Variants in DPP6 observed in about 807,000 individuals in gnomAD.
The protein encoded by DPP6 is dipeptidyl peptidase like 6.
Under a neutral mutation model 122.6 loss-of-function variants are expected in DPP6, and 69 were observed. The observed-to-expected ratio is 0.56, with a 90% CI of 0.46 to 0.69. The LOEUF (loss-of-function observed/expected upper bound fraction) is 0.69. Among genes scored for constraint, DPP6 ranks in the 30% least tolerant of loss-of-function variants. DPP6 has a pLI of 0.00. For synonymous variants in DPP6, 418 were observed against 433.1 expected, an observed-to-expected ratio of 0.97 and a Z score of 0.43; for missense variants, 928 against 1,116.9, an observed-to-expected ratio of 0.83 and a Z score of 2.41.
rs1405031120 is a variant in DPP6, at chr7:154,760,103, A to G, written c.884-9314A>G. 6.6e-6 allele frequency among the ~76,000 whole-genome samples: 1 copy of G among 152,216 alleles called. No individual in the cohort carries two copies. The stretch of plus-strand genomic sequence containing the variant: ...ATGCCATTGCACTCCAGCCTAGGTG[A>G]CAGAGCGAGATTCTGTCTCAAAACA... On this transcript the variant is annotated intron_variant, in intron 8 of 25. Transcript: ENST00000377770. The surrounding 1 kb of genome is among the most constrained non-coding windows in gnomAD (Gnocchi z 4.5).
intron 17 of DPP6, among the ~76,000 whole-genome samples, chr7:154,866,915 G>C (rs1320779143): frequency 6.6e-6 from 1 of 151,312 alleles, no homozygotes; most frequent in African/African-American, 2.4e-5. Flanking sequence ...CACACGTCCA[G>C]ATTCTCCTAG....
chr7:154,388,324 C>T (rs1420548218), intron 1 of DPP6, among the ~76,000 whole-genome samples: 1 of 152,124 alleles, frequency 6.6e-6, no homozygotes. Flanking sequence ...AGTTATACTG[C>T]TAAATGGTTT....
chr7:154,832,180 G>A (rs945348507), intron 16 of DPP6, among the ~76,000 whole-genome samples: 8 of 152,158 alleles, frequency 5.3e-5, no homozygotes, highest in African/African-American at 1.9e-4. Context: ...CCGTATGCCA[G>A]GCAACGAACT....
intron 17 of DPP6, among the ~76,000 whole-genome samples, chr7:154,866,139 CAG>C (rs1327663856): frequency 9.2e-5 from 14 of 152,350 alleles, no homozygotes; most frequent in Admixed American, 7.2e-4. Flanking sequence ...ATTTCAAACA[CAG>C]GGCAGCACGT....
chr7:154,145,575 G>A (rs1796048177), intron 1 of DPP6, among the ~76,000 whole-genome samples: 1 of 148,492 alleles, frequency 6.7e-6, no homozygotes, highest in African/African-American at 2.5e-5. Flanking sequence ...ACATTGAAAT[G>A]GAGAGTGAAT....
At chr7:153,843,276 G>A in the DPP6 span, among the ~76,000 whole-genome samples, 10 of 147,498 alleles carry the variant, frequency 6.8e-5, no homozygotes, top group African/African-American at 1.3e-4. Context: ...ACGCATGCGC[G>A]CGCGCACACA....
intron 1 of DPP6, among the ~76,000 whole-genome samples, chr7:154,316,827 G>A (rs10260284): frequency 0.59 from 88,983 of 151,844 alleles, 26,547 homozygotes; most frequent in South Asian, 0.67. Context: ...GAGAATGGGG[G>A]CAATGGGGGG....
intron 16 of DPP6, among the ~76,000 whole-genome samples, chr7:154,853,066 G>A (rs1004697228): frequency 6.6e-6 from 1 of 152,208 alleles, no homozygotes; most frequent in African/African-American, 2.4e-5. Flanking sequence ...CACCAGGCCT[G>A]CCTCTTAATG....
chr7:154,507,955 T>TTAA (rs35402562), intron 3 of DPP6, among the ~76,000 whole-genome samples: 38,414 of 151,992 alleles, frequency 0.25, 4,941 homozygotes, highest in Middle Eastern at 0.33. Context: ...GAACTTATTA[T>TTAA]TAATCTCTCT....
chr7:154,024,539 A>T, intron 1 of DPP6, among the ~76,000 whole-genome samples: 1 of 152,084 alleles, frequency 6.6e-6, no homozygotes, highest in Non-Finnish European at 1.5e-5. Flanking sequence ...GTTTCAAGGG[A>T]TGCCTTTGAA....
At chr7:154,102,770 T>G (rs563029261) in intron 1 of DPP6, among the ~76,000 whole-genome samples, 318 of 152,322 alleles carry the variant, frequency 2.1e-3, no homozygotes, top group African/African-American at 7.4e-3. Context: ...CCCTTAGCTT[T>G]GCTTCCAGCT....
intron 6 of DPP6, among the ~76,000 whole-genome samples, chr7:154,666,238 A>T (rs982689458): frequency 9.9e-6 from 1 of 100,892 alleles, no homozygotes; most frequent in Non-Finnish European, 2.2e-5. Flanking sequence ...TACATACTAT[A>T]ACACATACTC....
intron 5 of DPP6, chr7:154,587,747 G>T: frequency 1.9e-6 from 3 of 1,578,312 alleles, no homozygotes; most frequent in Non-Finnish European, 2.6e-6. Context: ...TGTCACCAGG[G>T]CTGTTTTCTT....
intron 5 of DPP6, among the ~76,000 whole-genome samples, chr7:154,612,564 G>A (rs576281022): frequency 6.6e-6 from 1 of 152,204 alleles, no homozygotes; most frequent in African/African-American, 2.4e-5. Context: ...ATGGATATCT[G>A]GGTTTATTCC....
At chr7:154,400,405 A>T (rs56289426) in intron 1 of DPP6, among the ~76,000 whole-genome samples, 13,677 of 152,256 alleles carry the variant, frequency 0.09, 705 homozygotes, top group East Asian at 0.13. Context: ...TTCAAGCTTT[A>T]GGAAGTAGGT....
At chr7:154,840,950 A>T (rs12719629) in intron 16 of DPP6, among the ~76,000 whole-genome samples, 21,864 of 152,160 alleles carry the variant, frequency 0.14, 1,619 homozygotes, top group South Asian at 0.21. Flanking sequence ...GCTGTTAACG[A>T]GTCAATGTAC....
Position 154,052,688 on chromosome 7 carries a change from TGC to T in DPP6, c.-132_-131del. On this transcript the variant is annotated 5_prime_UTR_variant, in exon 1 of 26. Transcript: ENST00000377770. This position sits in a 1 kb window ranked among gnomAD's most constrained non-coding sequence, Gnocchi z 4.8. ...GCGGCCGCCGGCGCTGGGCTTGCCT[TGC>T]TGCTGCTGCTGCTGCTGCCTCCCCA... The T allele has an allele frequency of 3.4e-6, 1 of 290,518 alleles. No individual in the cohort carries two copies. Among genetic ancestry groups the T allele is most frequent in the South Asian group, 8.4e-5 (1 of 11,950 alleles). The allele number at this position is 290,518 out of a possible 1,614,324, so 18.0% of individuals were successfully genotyped here. A position where few individuals can be genotyped will look rare whatever the true frequency, so the allele number is the denominator to read the frequency against.
intron 1 of DPP6, among the ~76,000 whole-genome samples, chr7:154,053,428 G>T (rs1490794857): frequency 1.3e-5 from 2 of 151,844 alleles, no homozygotes; most frequent in Non-Finnish European, 2.9e-5. Context: ...GTGCTTACGA[G>T]TTGGTTTATT....
the DPP6 span, among the ~76,000 whole-genome samples, chr7:153,838,025 C>A: frequency 8.7e-3 from 1,320 of 151,836 alleles, 16 homozygotes; most frequent in Middle Eastern, 0.031. Context: ...ATTATTGAAG[C>A]TAGTTTTGGG....
Sources: allele counts gnomAD v4.1 joint callset (sites outside exome capture counted in the v4.1 genomes callset), GRCh38; gene constraint gnomAD v4.1.1; non-coding constraint Gnocchi (gnomAD v3.1); transcripts MANE v1.5; gene names NCBI Gene and HGNC (gene_info 2026-07-23, HGNC 2026-07-21).